The following TACC3 variants were observed in gnomAD, a reference collection of about 807,000 sequenced individuals.
TACC3 encodes transforming acidic coiled-coil containing protein 3, also known as transforming acidic coiled-coil-containing protein 3.
A neutral mutation model predicts 86.0 loss-of-function variants in TACC3; 52 were observed. The ratio of observed to expected loss-of-function variants is 0.60; its 90% CI spans 0.48 to 0.76. The LOEUF is 0.76. Among genes scored for constraint, TACC3 ranks in the 30% least tolerant of loss-of-function variants. The pLI is 0.00. For synonymous variants in TACC3, 512 were observed against 430.0 expected (o/e 1.19, Z -2.36); for missense variants, 1,120 against 1,070.4 (o/e 1.05, Z -0.65).
intron 6 of TACC3, 76 bp downstream of exon 6, chr4:1,731,377 C>A: frequency 6.5e-7 from 1 of 1,539,378 alleles, no homozygotes; most frequent in Non-Finnish European, 8.9e-7. Context: ...GCTCGAGACA[C>A]CTGCATCATC....
rs757539140 is a variant in TACC3 at position 1,735,354 on chromosome 4, C to G, written c.1644+29C>G. 3.2e-5 allele frequency: 51 copies of G among 1,613,682 alleles called. No individual in the cohort carries two copies. The highest frequency in any genetic ancestry group is 4.3e-5 in the Non-Finnish European group (51 of 1,179,904). ...GGTACCAGGCAATTCCGCGAAGCCTCACCCACAGGGTGTCCGAGAGCAGCC... is the reference window on the plus strand; with the variant it reads ...GGTACCAGGCAATTCCGCGAAGCCTGACCCACAGGGTGTCCGAGAGCAGCC... On this transcript the variant is annotated intron_variant, in intron 7 of 15. Coordinates refer to ENST00000313288, the MANE Select transcript of TACC3 (RefSeq NM_006342.3). This position sits in a 1 kb window ranked among gnomAD's most constrained non-coding sequence, Gnocchi z 4.2.
intron 3 of TACC3, among the ~76,000 whole-genome samples, chr4:1,724,152 G>A (rs377467586): frequency 6.6e-6 from 1 of 150,800 alleles, no homozygotes; most frequent in African/African-American, 2.4e-5. Context: ...TGTATTTTTA[G>A]TAAAGAAGGG....
upstream of TACC3, chr4:1,720,829 G>A: frequency 6.3e-7 from 1 of 1,580,062 alleles, no homozygotes; most frequent in Non-Finnish European, 8.6e-7. The surrounding 1 kb of genome is among the most constrained non-coding windows in gnomAD (Gnocchi z 4.4). Context: ...TCACCTCGGG[G>A]CTGTCCATCG....
intron 13 of TACC3, among the ~76,000 whole-genome samples, chr4:1,743,233 C>T (rs1383440647): frequency 2.5e-5 from 3 of 121,620 alleles, no homozygotes; most frequent in East Asian, 2.4e-4. Context: ...TATGGCCTGG[C>T]GATAGAGCGA....
chr4:1,732,657 G>T (rs1164238037), intron 6 of TACC3, among the ~76,000 whole-genome samples: 1 of 152,352 alleles, frequency 6.6e-6, no homozygotes, highest in East Asian at 1.9e-4. Context: ...CACCATGTGG[G>T]GATATCAGCT....
At chr4:1,730,237 T>G (rs1717933742) in intron 4 of TACC3, among the ~76,000 whole-genome samples, 2 of 152,288 alleles carry the variant, frequency 1.3e-5, no homozygotes, top group African/African-American at 4.8e-5. Context: ...AGACGGGGTT[T>G]CACCGTGTTA....
At position 1,734,518 on chromosome 4, in the gene TACC3, C is replaced by T. The variant is rs146140140; in HGVS notation, c.1592-755C>T. Among the ~76,000 whole-genome samples, 81 of 152,198 alleles carry T rather than the reference C, an allele frequency of 5.3e-4. 1 individual carries two copies. The highest frequency in any genetic ancestry group is 1.7e-3 in the African/African-American group (71 of 41,516). ...TTAAGAGTTTTATAGTTTTAGAGGC[C>T]GAGACCGGAGGATCACTTGAAGTCA... On this transcript the variant is annotated intron_variant, in intron 6 of 15. Coordinates refer to ENST00000313288, the MANE Select transcript of TACC3 (RefSeq NM_006342.3).
At chr4:1,727,589 A>C (rs559447984) in intron 3 of TACC3, 119 bp from the exon 4 acceptor site, 12 of 1,481,258 alleles carry the variant, frequency 8.1e-6, no homozygotes, top group Admixed American at 2.3e-5. Context: ...AGCCGTGCCA[A>C]GGGTGACTCA....
chr4:1,723,259 G>T, intron 1 of TACC3, 162 bp from the exon 2 acceptor site: 1 of 704,180 alleles, frequency 1.4e-6, no homozygotes, highest in Non-Finnish European at 2.4e-6. Flanking sequence ...TCAGTCTGAG[G>T]CTTTCTCTGC....
chr4:1,734,818 G>A (rs1045850611), intron 6 of TACC3, among the ~76,000 whole-genome samples: 3 of 152,028 alleles, frequency 2.0e-5, no homozygotes, highest in South Asian at 4.2e-4. Context: ...GCAGCACCGC[G>A]CCTAGCTAAT....
At chr4:1,721,340 C>T (rs1184163490), upstream of TACC3, 1 of 147,124 alleles carries the variant, frequency 6.8e-6, no homozygotes, top group Non-Finnish European at 1.5e-5. Flanking sequence ...GCGTGCCCTC[C>T]ACTCCGGAAA....
intron 3 of TACC3, among the ~76,000 whole-genome samples, chr4:1,725,551 C>A (rs1717643323): frequency 6.6e-6 from 1 of 152,234 alleles, no homozygotes; most frequent in South Asian, 2.1e-4. Flanking sequence ...GAAGTCGCCT[C>A]CCAGCTGCCA....
intron 3 of TACC3, among the ~76,000 whole-genome samples, chr4:1,726,972 C>T (rs1185050159): frequency 6.6e-6 from 1 of 152,036 alleles, no homozygotes; most frequent in Admixed American, 6.6e-5. Flanking sequence ...ACTAAAAATA[C>T]AAAACAAAAT....
intron 4 of TACC3, 178 bp from the exon 5 acceptor site, chr4:1,730,709 T>C (rs1218816431): frequency 3.9e-6 from 3 of 766,262 alleles, no homozygotes; most frequent in Non-Finnish European, 7.0e-6. Flanking sequence ...GTGAGGTTGG[T>C]GAGGCAGTTT....
intron 3 of TACC3, among the ~76,000 whole-genome samples, chr4:1,727,465 C>CG (rs1425404485): frequency 2.0e-5 from 3 of 152,102 alleles, no homozygotes; most frequent in Non-Finnish European, 4.4e-5. Context: ...AGCATGAGGG[C>CG]GGGGTCAGCG....
At chr4:1,736,594 CAG>C (rs1249148154) in intron 8 of TACC3, among the ~76,000 whole-genome samples, 1 of 152,074 alleles carries the variant, frequency 6.6e-6, no homozygotes, top group African/African-American at 2.4e-5. Flanking sequence ...AGTAGTGTGA[CAG>C]AGGCTGTGTG....
At chr4:1,737,081 G>C in intron 8 of TACC3, among the ~76,000 whole-genome samples, 160 bp from the exon 9 acceptor site, 1 of 152,190 alleles carries the variant, frequency 6.6e-6, no homozygotes, top group East Asian at 1.9e-4. Context: ...CAGAGAGGCC[G>C]GGCATGCTGG....
Position 1,723,753 on chromosome 4 carries a change from A to T in TACC3, c.188A>T (p.Asp63Val). 1 of 1,613,768 alleles carries T rather than the reference A, an allele frequency of 6.2e-7. No individual in the cohort carries two copies. ...MKVTFQTPLR[D>V]PQTHRILSPS... ...GTGACTTTTCAGACACCTCTGCGGG[A>T]TCCACAGACGCACAGGATTCTAAGT... The change falls in exon 3 of 16, where the codon GAT (aspartate) becomes GTT (valine). Residue 63 changes from aspartate to valine, a missense_variant. Physicochemically the swap from Asp to Val is radical, Grantham distance 152 (BLOSUM62 -3). Coordinates refer to ENST00000313288, the MANE Select transcript of TACC3 (RefSeq NM_006342.3).
At chr4:1,730,754 G>T in intron 4 of TACC3, 133 bp from the exon 5 acceptor site, 1 of 1,059,376 alleles carries the variant, frequency 9.4e-7, no homozygotes, top group South Asian at 1.3e-5. Flanking sequence ...CCCATGCCTG[G>T]CACGCTCTAG....
Sources: allele counts gnomAD v4.1 joint callset (sites outside exome capture counted in the v4.1 genomes callset), GRCh38; gene constraint gnomAD v4.1.1; non-coding constraint Gnocchi (gnomAD v3.1); transcripts MANE v1.5; gene names NCBI Gene and HGNC (gene_info 2026-07-23, HGNC 2026-07-21).